TASP1: variants seen among roughly 807,000 people sequenced by gnomAD.
TASP1 encodes the protein threonine aspartase 1.
In TASP1, 16 loss-of-function variants were observed where a neutral mutation model predicts 56.6. That is an observed-to-expected ratio of 0.28 (90% confidence interval 0.19 to 0.43). The LOEUF is 0.43. Ranked by LOEUF, TASP1 falls within the 20% of genes least tolerant of loss-of-function variation. TASP1 has a pLI of 1.00. For synonymous variants in TASP1, 179 were observed against 184.2 expected (o/e 0.97, Z 0.23); for missense variants, 393 against 511.6 (o/e 0.77, Z 2.24).
intron 10 of TASP1, among the ~76,000 whole-genome samples, chr20:13,517,306 T>A (rs1211066056): frequency 1.3e-5 from 2 of 152,152 alleles, no homozygotes; most frequent in South Asian, 2.1e-4. Flanking sequence ...AAACAGCTGC[T>A]GCTTTATTGC....
At chr20:13,253,713 C>G in the TASP1 span, among the ~76,000 whole-genome samples, 3 of 151,986 alleles carry the variant, frequency 2.0e-5, no homozygotes, top group African/African-American at 7.3e-5. Flanking sequence ...TGGCCTGGGG[C>G]CCCCATTTTG....
the TASP1 span, among the ~76,000 whole-genome samples, chr20:13,310,962 G>A: frequency 1.3e-5 from 2 of 152,224 alleles, no homozygotes; most frequent in Admixed American, 6.5e-5. Context: ...GGGAGGCTGA[G>A]GCGAGTGGAT....
At chr20:13,588,764 C>G (rs1029315035) in intron 4 of TASP1, among the ~76,000 whole-genome samples, 1 of 152,072 alleles carries the variant, frequency 6.6e-6, no homozygotes, top group African/African-American at 2.4e-5. Context: ...CAAAATAATC[C>G]TTTATCAAAT....
At chr20:13,383,471 C>G in the TASP1 span, among the ~76,000 whole-genome samples, 1 of 152,190 alleles carries the variant, frequency 6.6e-6, no homozygotes, top group African/African-American at 2.4e-5. Context: ...TACAAATGCC[C>G]TTAGGCTGTC....
At chr20:13,274,256 C>T in the TASP1 span, among the ~76,000 whole-genome samples, 3 of 152,116 alleles carry the variant, frequency 2.0e-5, no homozygotes, top group Admixed American at 6.5e-5. Flanking sequence ...TTCCTCAGAG[C>T]ACTGTTCTTT....
intron 10 of TASP1, among the ~76,000 whole-genome samples, chr20:13,499,727 T>C (rs2043874259): frequency 6.6e-6 from 1 of 150,868 alleles, no homozygotes; most frequent in Non-Finnish European, 1.5e-5. Context: ...ATTTCTCCTG[T>C]GAAATAATAA....
chr20:13,428,100 C>G (rs1176019681), intron 12 of TASP1, among the ~76,000 whole-genome samples: 1 of 152,118 alleles, frequency 6.6e-6, no homozygotes, highest in African/African-American at 2.4e-5. Context: ...GCCCATATGC[C>G]TCCTATCCTG....
At chr20:13,329,061 G>A in the TASP1 span, among the ~76,000 whole-genome samples, 1 of 152,074 alleles carries the variant, frequency 6.6e-6, no homozygotes, top group Non-Finnish European at 1.5e-5. Context: ...TCTTTCTTCA[G>A]CATTTGTAGC....
At chr20:13,144,594 A>T in the TASP1 span, among the ~76,000 whole-genome samples, 2 of 152,228 alleles carry the variant, frequency 1.3e-5, no homozygotes, top group Non-Finnish European at 2.9e-5. Flanking sequence ...TTCAGTTATT[A>T]TCAATCATTA....
chr20:13,210,429 T>A, the TASP1 span, among the ~76,000 whole-genome samples: 1 of 152,218 alleles, frequency 6.6e-6, no homozygotes, highest in African/African-American at 2.4e-5. Context: ...GAGCTTAGGC[T>A]AATTATTATA....
At chr20:13,256,717 C>T in the TASP1 span, among the ~76,000 whole-genome samples, 1 of 152,166 alleles carries the variant, frequency 6.6e-6, no homozygotes, top group Non-Finnish European at 1.5e-5. Flanking sequence ...TCACTCTCCC[C>T]GACAGCTGTT....
At chr20:13,594,365 G>A (rs907418837) in intron 4 of TASP1, among the ~76,000 whole-genome samples, 1 of 152,226 alleles carries the variant, frequency 6.6e-6, no homozygotes, top group African/African-American at 2.4e-5. Flanking sequence ...AAAGCTGGAT[G>A]GAGAATGACT....
At chr20:13,221,749 G>T in the TASP1 span, 1 of 1,373,252 alleles carries the variant, frequency 7.3e-7, no homozygotes. Flanking sequence ...CCGCCGCGCC[G>T]GGTCCTAAAG....
intron 11 of TASP1, among the ~76,000 whole-genome samples, chr20:13,472,202 T>C (rs561737215): frequency 6.0e-5 from 9 of 150,946 alleles, no homozygotes; most frequent in African/African-American, 1.7e-4. Context: ...CATCTCATCT[T>C]TGACAAACCT....
chr20:13,118,049 C>G, the TASP1 span, among the ~76,000 whole-genome samples: 10 of 151,972 alleles, frequency 6.6e-5, no homozygotes, highest in African/African-American at 2.4e-4. Context: ...GAATGAATAT[C>G]CATCTGGTAG....
chr20:13,155,829 AAATAAT>A, the TASP1 span, among the ~76,000 whole-genome samples: 3 of 152,126 alleles, frequency 2.0e-5, no homozygotes, highest in African/African-American at 4.8e-5. Context: ...CCGTCTAAAA[AAATAAT>A]AATAATAATA....
chr20:13,392,948 C>A, intron 13 of TASP1: 1 of 613,160 alleles, frequency 1.6e-6, no homozygotes. Context: ...CATGCTGGTG[C>A]TGAGTACATT....
the TASP1 span, among the ~76,000 whole-genome samples, chr20:13,280,120 A>C: frequency 6.6e-6 from 1 of 152,062 alleles, no homozygotes; most frequent in Non-Finnish European, 1.5e-5. Flanking sequence ...TCACTATACC[A>C]ATTATCCGAA....
At chr20:13,507,634 T>C (rs1704730909) in intron 10 of TASP1, among the ~76,000 whole-genome samples, 1 of 152,178 alleles carries the variant, frequency 6.6e-6, no homozygotes, top group Non-Finnish European at 1.5e-5. Context: ...GAAAGAATAC[T>C]GTCAAAACAT....
Sources: allele counts gnomAD v4.1 joint callset (sites outside exome capture counted in the v4.1 genomes callset), GRCh38; gene constraint gnomAD v4.1.1; transcripts MANE v1.5; gene names NCBI Gene and HGNC (gene_info 2026-07-23, HGNC 2026-07-21).